TTC28: variants seen among roughly 807,000 people sequenced by gnomAD.
TTC28 encodes the protein tetratricopeptide repeat protein 28.
TTC28 carries 61 observed loss-of-function variants against 198.0 expected under a neutral mutation model. That is an observed-to-expected ratio of 0.31 (90% CI 0.25 to 0.38). The LOEUF is 0.38. Among genes scored for constraint, TTC28 ranks in the 10% least tolerant of loss-of-function variants. TTC28 has a pLI of 1.00. For missense variants in TTC28, 2,678 were observed against 3,164.0 expected, an observed-to-expected ratio of 0.85 and a Z score of 3.69; for synonymous variants, 1,171 against 1,297.8, an observed-to-expected ratio of 0.90 and a Z score of 2.10.
chr22:28,357,726 G>A (rs1601683607), intron 2 of TTC28, among the ~76,000 whole-genome samples: 1 of 152,176 alleles, frequency 6.6e-6, no homozygotes, highest in East Asian at 1.9e-4. Context: ...CAGAAAGAAA[G>A]AGTAACAGGT....
chr22:28,672,591 C>A (rs2051907732), intron 1 of TTC28, among the ~76,000 whole-genome samples: 1 of 152,208 alleles, frequency 6.6e-6, no homozygotes, highest in African/African-American at 2.4e-5. Context: ...TGACCCACCA[C>A]ACCTGGCCTA....
intron 5 of TTC28, among the ~76,000 whole-genome samples, chr22:28,276,364 C>T (rs1932427583): frequency 6.6e-6 from 1 of 151,964 alleles, no homozygotes; most frequent in Non-Finnish European, 1.5e-5. Flanking sequence ...CCATTGGGAT[C>T]ATGAGCTCAT....
chr22:28,432,751 C>G (rs574833898), intron 2 of TTC28, among the ~76,000 whole-genome samples: 2 of 152,272 alleles, frequency 1.3e-5, no homozygotes, highest in East Asian at 3.9e-4. Flanking sequence ...AGTTATTCTA[C>G]CTTTATTGAT....
intron 2 of TTC28, among the ~76,000 whole-genome samples, chr22:28,498,984 T>G (rs1014389588): frequency 1.3e-5 from 2 of 152,232 alleles, no homozygotes; most frequent in Non-Finnish European, 2.9e-5. Context: ...GAAACCGGTC[T>G]GGGCAGCACA....
intron 15 of TTC28, 83 bp from the exon 16 acceptor site, chr22:27,999,343 G>A (rs977609965): frequency 2.7e-5 from 40 of 1,462,266 alleles, no homozygotes; most frequent in Admixed American, 1.0e-4. Flanking sequence ...GCACAGGGAC[G>A]GCCAGCTCTC....
intron 12 of TTC28, among the ~76,000 whole-genome samples, chr22:28,039,458 G>A (rs1354232362): frequency 7.4e-5 from 11 of 149,476 alleles, no homozygotes; most frequent in African/African-American, 2.7e-4. Flanking sequence ...CTCATAGGTG[G>A]GAATTGAACA....
intron 5 of TTC28, among the ~76,000 whole-genome samples, chr22:28,201,826 T>G (rs1658325816): frequency 6.7e-6 from 1 of 150,058 alleles, no homozygotes; most frequent in Non-Finnish European, 1.5e-5. Flanking sequence ...TTATGAGGAC[T>G]AGGTGAAAGA....
At chr22:28,182,043 C>T (rs1413147303) in intron 5 of TTC28, among the ~76,000 whole-genome samples, 1 of 152,048 alleles carries the variant, frequency 6.6e-6, no homozygotes, top group African/African-American at 2.4e-5. Flanking sequence ...ATTAGAGAGT[C>T]GAGTTTGTTT....
chr22:28,623,556 G>A (rs1761102393), intron 2 of TTC28, among the ~76,000 whole-genome samples: 1 of 152,102 alleles, frequency 6.6e-6, no homozygotes. Context: ...GGACTTCATT[G>A]ATATCTATGG....
At chr22:28,433,192 A>G (rs925294252) in intron 2 of TTC28, among the ~76,000 whole-genome samples, 13 of 152,258 alleles carry the variant, frequency 8.5e-5, no homozygotes, top group Admixed American at 8.5e-4. Context: ...GTTATAGAAA[A>G]TGTATCTGAA....
At chr22:28,088,047 T>A (rs913892632) in intron 12 of TTC28, among the ~76,000 whole-genome samples, 1 of 152,192 alleles carries the variant, frequency 6.6e-6, no homozygotes. Context: ...TCCATGCTCA[T>A]GGATAGGAAG....
chr22:28,376,605 GA>G lies in TTC28; in HGVS notation c.382-69963del, dbSNP rs1225762360. Among the ~76,000 whole-genome samples the G allele has an allele frequency of 4.6e-5, 7 of 152,162 alleles. No individual in the cohort carries two copies. The East Asian group carries it at 1.4e-3, about 29-fold the overall frequency. The stretch of plus-strand genomic sequence containing the variant: ...AAGGACAATAATCCTGAGAGAAGGG[GA>G]AAAAAGGGGTAAGCCCTACCTCTAA... On this transcript the variant is annotated intron_variant, in intron 2 of 22. Coordinates refer to ENST00000397906, the MANE Select transcript of TTC28 (RefSeq NM_001145418.2).
intron 13 of TTC28, among the ~76,000 whole-genome samples, chr22:28,027,710 T>C (rs576458260): frequency 2.5e-4 from 38 of 152,354 alleles, no homozygotes; most frequent in Admixed American, 2.5e-3. Flanking sequence ...AAGCCACTTC[T>C]AGCCGCTCTG....
chr22:28,609,559 C>T (rs962988438), intron 2 of TTC28, among the ~76,000 whole-genome samples: 5 of 152,234 alleles, frequency 3.3e-5, no homozygotes, highest in Admixed American at 6.5e-5. Flanking sequence ...CTGCACTTTC[C>T]TCATGGTCTT....
chr22:28,674,366 T>C (rs1408907033), intron 1 of TTC28, among the ~76,000 whole-genome samples: 1 of 151,504 alleles, frequency 6.6e-6, no homozygotes, highest in African/African-American at 2.4e-5. Context: ...CACTTTTAAC[T>C]GGAATTAATT....
At chr22:28,386,622 C>T (rs1470296704) in intron 2 of TTC28, among the ~76,000 whole-genome samples, 1 of 151,972 alleles carries the variant, frequency 6.6e-6, no homozygotes, top group Non-Finnish European at 1.5e-5. Flanking sequence ...ACTATGACTC[C>T]ATAGGGTCTA....
intron 5 of TTC28, among the ~76,000 whole-genome samples, chr22:28,199,421 A>ATATATT (rs1925703031): frequency 8.5e-6 from 1 of 117,556 alleles, no homozygotes; most frequent in Admixed American, 9.1e-5. Context: ...ATATATATAT[A>ATATATT]TGTAACTATT....
intron 12 of TTC28, among the ~76,000 whole-genome samples, chr22:28,051,059 G>C (rs1454882526): frequency 1.3e-5 from 2 of 152,190 alleles, no homozygotes; most frequent in Non-Finnish European, 2.9e-5. Context: ...CCACTTAATA[G>C]AGAAAGTCAG....
chr22:28,073,032 TA>T (rs1370261291), intron 12 of TTC28, among the ~76,000 whole-genome samples: 1 of 152,084 alleles, frequency 6.6e-6, no homozygotes, highest in African/African-American at 2.4e-5. Context: ...CATGTTATCA[TA>T]AGAGCCCAGC....
Sources: allele counts gnomAD v4.1 joint callset (sites outside exome capture counted in the v4.1 genomes callset), GRCh38; gene constraint gnomAD v4.1.1; transcripts MANE v1.5; gene names NCBI Gene and HGNC (gene_info 2026-07-23, HGNC 2026-07-21).